The following BBS9 variants were observed in gnomAD, a reference collection of about 807,000 sequenced individuals.
BBS9 encodes the protein Bardet-Biedl syndrome 9.
BBS9 carries 89 observed loss-of-function variants against 117.7 expected under a neutral mutation model. The observed-to-expected ratio is 0.76, with a 90% CI of 0.64 to 0.90. The LOEUF is 0.90. Among genes scored for constraint, BBS9 ranks in the 40% least tolerant of loss-of-function variants. The pLI is 0.00. For missense variants in BBS9, 982 were observed against 1,042.2 expected, an observed-to-expected ratio of 0.94 and a Z score of 0.80; for synonymous variants, 379 against 370.9, an observed-to-expected ratio of 1.02 and a Z score of -0.25.
At chr7:33,279,415 C>T (rs1284829002) in intron 9 of BBS9, among the ~76,000 whole-genome samples, 1 of 152,186 alleles carries the variant, frequency 6.6e-6, no homozygotes, top group Non-Finnish European at 1.5e-5. Context: ...ATTGACAGTA[C>T]TGAAATAATT....
At chr7:33,351,671 C>T (rs184853206) in intron 14 of BBS9, among the ~76,000 whole-genome samples, 5 of 152,178 alleles carry the variant, frequency 3.3e-5, no homozygotes, top group Admixed American at 6.5e-5. Context: ...GCCATATCTG[C>T]GTTCTTATTT....
At chr7:33,448,920 T>A (rs1837372062) in intron 19 of BBS9, among the ~76,000 whole-genome samples, 1 of 152,236 alleles carries the variant, frequency 6.6e-6, no homozygotes, top group African/African-American at 2.4e-5. Context: ...ATATATTGAC[T>A]CATTTCCTCC....
chr7:33,631,026 G>A (rs1042735264), intron 21 of BBS9, among the ~76,000 whole-genome samples: 11 of 152,174 alleles, frequency 7.2e-5, no homozygotes, highest in Admixed American at 7.2e-4. Flanking sequence ...TGCTACCGAG[G>A]CAAAGCACAG....
intron 21 of BBS9, among the ~76,000 whole-genome samples, chr7:33,617,670 A>G (rs1865208515): frequency 1.3e-5 from 2 of 152,174 alleles, no homozygotes; most frequent in Admixed American, 1.3e-4. Context: ...CAATGCATGA[A>G]GAAAATAAAG....
At position 33,273,871 on chromosome 7, in the gene BBS9, A is replaced by C; in HGVS notation, c.931A>C (p.Met311Leu). The C allele has an allele frequency of 6.2e-7, 1 of 1,610,098 alleles. No individual in the cohort carries two copies. The highest frequency in any genetic ancestry group is 8.5e-7 in the Non-Finnish European group (1 of 1,176,542). ...INTLIGNHNN[M>L]LHIYQDVTLK... ...TACTTTGATTGGAAATCATAATAACATGCTGCATATTTATCAAGATGTGAC... is the reference window on the plus strand; with the variant it reads ...TACTTTGATTGGAAATCATAATAACCTGCTGCATATTTATCAAGATGTGAC... Residue 311 changes from methionine to leucine, a missense_variant, in exon 9 of 23, where the codon ATG becomes CTG. Transcript: ENST00000242067.
chr7:33,200,921 T>C (rs1785738204), intron 5 of BBS9, among the ~76,000 whole-genome samples: 1 of 152,208 alleles, frequency 6.6e-6, no homozygotes, highest in Non-Finnish European at 1.5e-5. Flanking sequence ...AATTTCTATT[T>C]GACAGCCATA....
At chr7:33,246,762 A>G in intron 5 of BBS9, among the ~76,000 whole-genome samples, 1 of 151,970 alleles carries the variant, frequency 6.6e-6, no homozygotes, top group East Asian at 1.9e-4. Flanking sequence ...AAATATCAAT[A>G]TTGGGGTGGG....
chr7:33,153,127 A>G (rs556497321), intron 3 of BBS9, among the ~76,000 whole-genome samples: 7 of 152,312 alleles, frequency 4.6e-5, no homozygotes, highest in African/African-American at 1.7e-4. Context: ...TAACCAAATA[A>G]AGAAATAAAT....
intron 18 of BBS9, among the ~76,000 whole-genome samples, chr7:33,386,351 A>G (rs1054454395): frequency 6.6e-6 from 1 of 152,138 alleles, no homozygotes; most frequent in South Asian, 2.1e-4. Flanking sequence ...TATGATGTTT[A>G]TTTCAGCTAG....
chr7:33,459,768 G>A (rs1839187046), intron 19 of BBS9, among the ~76,000 whole-genome samples: 1 of 152,054 alleles, frequency 6.6e-6, no homozygotes, highest in African/African-American at 2.4e-5. Context: ...CATTAGGTGT[G>A]CTTATTGGCA....
chr7:33,232,798 G>C (rs1273481332), intron 5 of BBS9, among the ~76,000 whole-genome samples: 1 of 152,070 alleles, frequency 6.6e-6, no homozygotes, highest in Non-Finnish European at 1.5e-5. Flanking sequence ...ATATCTATAT[G>C]TATGTGTATC....
At chr7:33,400,212 T>C (rs78098644) in intron 19 of BBS9, among the ~76,000 whole-genome samples, 1,419 of 139,826 alleles carry the variant, frequency 0.01, 7 homozygotes, top group Middle Eastern at 0.031. Flanking sequence ...AAAATTTTGT[T>C]CTGTTTGTTG....
chr7:33,592,667 C>T (rs2129181495), intron 21 of BBS9, among the ~76,000 whole-genome samples: 1 of 152,198 alleles, frequency 6.6e-6, no homozygotes, highest in Admixed American at 6.6e-5. Context: ...AGTGACCCAG[C>T]TGGACTCTCA....
At chr7:33,361,543 G>T (rs1445746399) in intron 16 of BBS9, among the ~76,000 whole-genome samples, 1 of 151,982 alleles carries the variant, frequency 6.6e-6, no homozygotes, top group African/African-American at 2.4e-5. Context: ...TATACTCCCA[G>T]CATCAAGGTT....
intron 9 of BBS9, among the ~76,000 whole-genome samples, chr7:33,315,024 ATTC>A (rs1810178787): frequency 6.6e-6 from 1 of 152,154 alleles, no homozygotes; most frequent in Admixed American, 6.5e-5. Context: ...TTAGGTCATG[ATTC>A]TATGGGTTAA....
intron 19 of BBS9, among the ~76,000 whole-genome samples, chr7:33,480,584 C>T (rs1842397206): frequency 1.3e-5 from 2 of 152,090 alleles, no homozygotes; most frequent in East Asian, 3.8e-4. Context: ...TGTATCTTGA[C>T]CTAATGTTAA....
intron 12 of BBS9, among the ~76,000 whole-genome samples, chr7:33,347,621 A>G (rs1817844409): frequency 6.6e-6 from 1 of 152,002 alleles, no homozygotes; most frequent in Admixed American, 6.5e-5. Flanking sequence ...TTATGTTTTT[A>G]ACTTATTTTT....
intron 19 of BBS9, among the ~76,000 whole-genome samples, chr7:33,402,578 A>G (rs542131106): frequency 6.6e-6 from 1 of 152,268 alleles, no homozygotes; most frequent in South Asian, 2.1e-4. Flanking sequence ...TCTTTTCTGG[A>G]TATTTCATAT....
intron 19 of BBS9, among the ~76,000 whole-genome samples, chr7:33,488,857 T>C (rs1264401777): frequency 6.6e-6 from 1 of 152,158 alleles, no homozygotes; most frequent in African/African-American, 2.4e-5. Context: ...GGAAAGAAAT[T>C]CACCAAGAAA....
Sources: allele counts gnomAD v4.1 joint callset (sites outside exome capture counted in the v4.1 genomes callset), GRCh38; gene constraint gnomAD v4.1.1; transcripts MANE v1.5; gene names NCBI Gene and HGNC (gene_info 2026-07-23, HGNC 2026-07-21).